The following TRAPPC11 variants were observed in gnomAD, a reference collection of about 807,000 sequenced individuals.
TRAPPC11 encodes trafficking protein particle complex subunit 11, also known as foie gras homolog.
In TRAPPC11, 104 loss-of-function variants were observed where a neutral mutation model predicts 151.2. The observed-to-expected ratio is 0.69, with a 90% CI of 0.59 to 0.81. TRAPPC11 has a LOEUF of 0.81. Among genes scored for constraint, TRAPPC11 ranks in the 30% least tolerant of loss-of-function variants. The pLI, the probability that TRAPPC11 is intolerant of heterozygous loss-of-function variation, is 0.00. For missense variants in TRAPPC11, 1,230 were observed against 1,349.6 expected (o/e 0.91, Z 1.39); for synonymous variants, 456 against 472.3 (o/e 0.97, Z 0.45).
chr4:183,667,182 T>A, intron 4 of TRAPPC11, 52 bp downstream of exon 4: 1 of 1,431,872 alleles, frequency 7.0e-7, no homozygotes, highest in Non-Finnish European at 9.7e-7. Context: ...CAATTCTTAT[T>A]AAAGGGAGAT....
chr4:183,683,843 G>A (rs921185056), intron 11 of TRAPPC11, 132 bp from the exon 12 acceptor site: 10 of 744,394 alleles, frequency 1.3e-5, no homozygotes, highest in Admixed American at 1.0e-4. Flanking sequence ...GCACCTTTAC[G>A]ATTCTAGAAT....
In TRAPPC11 at chr4:183,691,406, G is replaced by A; in HGVS notation, c.1984G>A (p.Gly662Ser). 2 of 1,550,686 alleles carry A rather than the reference G, an allele frequency of 1.3e-6. No homozygotes were observed. The highest frequency in any genetic ancestry group is 1.3e-5 in the South Asian group (1 of 78,162). ...TCAAGGAAAGATGTGCCTAGTTCCTGGCAAAACAAGAAAACTGTTATTTAA... is the reference window on the plus strand; with the variant it reads ...TCAAGGAAAGATGTGCCTAGTTCCTAGCAAAACAAGAAAACTGTTATTTAA... ...LTQGKMCLVP[G>S]KTRKLLFKFV... Residue 662 changes from glycine (G) to serine (S), a missense_variant, in exon 19 of 30, where the codon GGC becomes AGC. Transcript: ENST00000334690.
Position 183,697,864 on chromosome 4 carries a change from C to CG in TRAPPC11, c.2851+29_2851+30insG, listed in dbSNP as rs1561057541. On this transcript the variant is annotated intron_variant, in intron 25 of 29. Transcript: ENST00000334690. ...AGTCTGGTTCATTCCCACTTAAAGA[C>CG]CAGGAGAATTGTGCGCGCGTGTGTG... is the stretch of plus-strand genomic sequence containing the variant. 2.8e-5 allele frequency: 45 copies of CG among 1,600,748 alleles called. No homozygotes were observed. The Admixed American group carries it at 6.0e-4, about 21-fold the overall frequency.
At chr4:183,681,778 G>A (rs57448804) in intron 10 of TRAPPC11, among the ~76,000 whole-genome samples, 72,725 of 149,724 alleles carry the variant, frequency 0.49, 18,301 homozygotes, top group African/African-American at 0.61. Flanking sequence ...GTCTCAAAAA[G>A]AAAAAAAAAG....
At chr4:183,694,774 T>A (rs1303979900) in intron 23 of TRAPPC11, 51 bp downstream of exon 23, 1 of 1,564,982 alleles carries the variant, frequency 6.4e-7, no homozygotes, top group Non-Finnish European at 8.6e-7. Context: ...GTATTCCCAT[T>A]TTGTGTTATT....
chr4:183,707,640 C>T (rs1345546023), intron 28 of TRAPPC11, among the ~76,000 whole-genome samples: 1 of 152,170 alleles, frequency 6.6e-6, no homozygotes, highest in African/African-American at 2.4e-5. Flanking sequence ...AAGTGTCTAT[C>T]CTGACTAATT....
intron 2 of TRAPPC11, among the ~76,000 whole-genome samples, chr4:183,665,219 C>T (rs959748512): frequency 2.8e-4 from 43 of 151,808 alleles, no homozygotes; most frequent in East Asian, 3.9e-4. Flanking sequence ...TTCAGCCTCC[C>T]GAGTGGCTGG....
intron 9 of TRAPPC11, 33 bp downstream of exon 9, chr4:183,679,519 A>G: frequency 1.3e-6 from 2 of 1,547,250 alleles, no homozygotes; most frequent in Non-Finnish European, 1.7e-6. Flanking sequence ...AGAATTTTTT[A>G]AAAATGATAC....
In TRAPPC11 at chr4:183,668,087, A is replaced by T. The variant is rs140909414; in HGVS notation, c.530A>T (p.His177Leu). 1.2e-6 allele frequency: 2 copies of T among 1,612,148 alleles called. No homozygotes were observed. Among genetic ancestry groups the T allele is most frequent in the Non-Finnish European group, 1.7e-6 (2 of 1,178,594 alleles). The change falls in exon 5 of 30, where the codon CAC (histidine) becomes CTC (leucine). Residue 177 changes from histidine to leucine, a missense_variant. His to Leu is a moderately conservative substitution (Grantham distance 99). Coordinates refer to ENST00000334690, the MANE Select transcript of TRAPPC11 (RefSeq NM_021942.6). ...LSGKSLFVLP[H>L]TDHLVGYIIR... ...GGAAAGTCTTTGTTTGTACTGCCGC[A>T]CACTGACCACCTTGTGGGTTATATT... is the stretch of plus-strand genomic sequence containing the variant.
intron 1 of TRAPPC11, among the ~76,000 whole-genome samples, chr4:183,661,503 C>T (rs1734532552): frequency 1.3e-5 from 2 of 150,666 alleles, no homozygotes; most frequent in Admixed American, 1.4e-4. Context: ...TCCCGAGTAG[C>T]TGGGACTACA....
At chr4:183,669,670 G>A (rs912277547) in intron 5 of TRAPPC11, among the ~76,000 whole-genome samples, 1 of 152,190 alleles carries the variant, frequency 6.6e-6, no homozygotes, top group African/African-American at 2.4e-5. Context: ...TGAGGGGGTT[G>A]CTGTATTGGC....
At chr4:183,666,491 T>G in intron 3 of TRAPPC11, 65 bp downstream of exon 3, 1 of 1,513,912 alleles carries the variant, frequency 6.6e-7, no homozygotes, top group Non-Finnish European at 8.9e-7. Context: ...CTAACATTCC[T>G]TGAAGGCAAT....
At chr4:183,709,434 A>G (rs919695456) in intron 29 of TRAPPC11, among the ~76,000 whole-genome samples, 1 of 152,132 alleles carries the variant, frequency 6.6e-6, no homozygotes, top group Non-Finnish European at 1.5e-5. Context: ...TTCTATCTGT[A>G]TAAAAATAAT....
intron 5 of TRAPPC11, among the ~76,000 whole-genome samples, chr4:183,671,423 A>G (rs923544951): frequency 5.9e-5 from 9 of 152,160 alleles, no homozygotes; most frequent in Admixed American, 2.0e-4. Flanking sequence ...GGAGAAAGGA[A>G]GAAAGGATGT....
At position 183,699,687 on chromosome 4, in the gene TRAPPC11, T is replaced by G. The variant is rs187068868; in HGVS notation, c.2851+1852T>G. On this transcript the variant is annotated intron_variant, in intron 25 of 29. Transcript: ENST00000334690. ...CAAGGTGTCAGCCTGGTTGCGTTCC[T>G]TCTGGAGGCTCTCAGGGAAAATCTG... Among the ~76,000 whole-genome samples, 27 of 152,326 alleles carry G rather than the reference T, an allele frequency of 1.8e-4. No individual in the cohort carries two copies. The East Asian group carries it at 5.0e-3, about 28-fold the overall frequency.
rs183739653 is a variant in TRAPPC11 at position 183,665,166 on chromosome 4, C to G, written c.205-1091C>G. Among the ~76,000 whole-genome samples the G allele has an allele frequency of 8.6e-5, 12 of 138,870 alleles. No individual in the cohort carries two copies. In the Admixed American group the frequency reaches 8.7e-4, roughly 10 times the overall value. 91.1% of individuals were successfully genotyped at this position (138,870 alleles called of 152,430 possible). ...CTGGAGTGCTGTGGCGCGATATCGGCTCACTGCAAGCTCCGCCTCCTGGGT... is the reference window on the plus strand; with the variant it reads ...CTGGAGTGCTGTGGCGCGATATCGGGTCACTGCAAGCTCCGCCTCCTGGGT... On this transcript the variant is annotated intron_variant, in intron 2 of 29. Coordinates refer to ENST00000334690, the MANE Select transcript of TRAPPC11 (RefSeq NM_021942.6).
chr4:183,662,433 T>G (rs777706191), intron 1 of TRAPPC11, among the ~76,000 whole-genome samples: 46 of 152,016 alleles, frequency 3.0e-4, no homozygotes, highest in Non-Finnish European at 5.9e-4. Flanking sequence ...AATGACAGTC[T>G]TGTTCGGGAT....
intron 26 of TRAPPC11, among the ~76,000 whole-genome samples, chr4:183,702,457 G>C (rs1305077665): frequency 6.6e-6 from 1 of 152,062 alleles, no homozygotes; most frequent in Non-Finnish European, 1.5e-5. Flanking sequence ...CGTTCATACA[G>C]TGGAATACTA....
At position 183,690,189 on chromosome 4, in the gene TRAPPC11, G is replaced by A. The variant is rs185735517; in HGVS notation, c.1894-1127G>A. Among the ~76,000 whole-genome samples, 12 of 150,684 alleles carry A rather than the reference G, an allele frequency of 8.0e-5. No individual in the cohort carries two copies. In the East Asian group the frequency reaches 1.6e-3, roughly 20 times the overall value. On this transcript the variant is annotated intron_variant, in intron 18 of 29. Transcript: ENST00000334690. ...CTAGTGGGCGATGGAGTGAGACTCC[G>A]TCTTAAAAGAAAAGAAATTCACAAT...
Sources: gnomAD v4.1 joint callset for allele counts (sites outside exome capture counted in the v4.1 genomes callset) on GRCh38, gnomAD v4.1.1 for gene constraint, MANE v1.5 for transcripts, NCBI Gene and HGNC (gene_info 2026-07-23, HGNC 2026-07-21) for gene names.